ZPLD1: variants seen among roughly 807,000 people sequenced by gnomAD.
ZPLD1 encodes zona pellucida-like domain-containing protein 1.
A neutral mutation model predicts 47.2 loss-of-function variants in ZPLD1; 34 were observed. The observed-to-expected ratio is 0.72, with a 90% CI of 0.55 to 0.96. ZPLD1 has a LOEUF of 0.96. Among genes scored for constraint, ZPLD1 ranks in the 40% least tolerant of loss-of-function variants. The probability of loss-of-function intolerance (pLI) is 0.00; values close to 1 mark genes in which losing one functional copy is unlikely to be tolerated. For missense variants in ZPLD1, 512 were observed against 505.8 expected (o/e 1.01, Z -0.12); for synonymous variants, 176 against 186.2 (o/e 0.95, Z 0.45).
upstream of ZPLD1, among the ~76,000 whole-genome samples, chr3:102,432,798 GA>G (rs139992909): frequency 0.14 from 21,712 of 150,630 alleles, 2,039 homozygotes; most frequent in Middle Eastern, 0.24. Context: ...TAAATGGCAA[GA>G]AAAAAAAAGC....
intron 10 of ZPLD1, among the ~76,000 whole-genome samples, chr3:102,474,593 A>AGT (rs1559763311): frequency 2.6e-5 from 4 of 152,120 alleles, no homozygotes; most frequent in Admixed American, 1.3e-4. Flanking sequence ...AGGTTATTAA[A>AGT]GTTTTTTAAA....
upstream of ZPLD1, among the ~76,000 whole-genome samples, chr3:102,434,507 C>T (rs1707057099): frequency 6.6e-6 from 1 of 152,040 alleles, no homozygotes; most frequent in Non-Finnish European, 1.5e-5. Context: ...ACAGATGTCT[C>T]TTTTTTTACA....
At chr3:102,411,101 G>A (rs1488617030) in intron 7 of ZPLD1, among the ~76,000 whole-genome samples, 1 of 151,696 alleles carries the variant, frequency 6.6e-6, no homozygotes, top group African/African-American at 2.4e-5. Context: ...TGTTCATTGT[G>A]GGGAAGAAAT....
At chr3:102,443,066 C>CCTT (rs1707205744) in intron 3 of ZPLD1, among the ~76,000 whole-genome samples, 1 of 152,154 alleles carries the variant, frequency 6.6e-6, no homozygotes, top group South Asian at 2.1e-4. Context: ...AGCCAGGCCC[C>CCTT]CTTCTTTGGA....
intron 10 of ZPLD1, among the ~76,000 whole-genome samples, chr3:102,473,882 C>T (rs1401231362): frequency 2.6e-5 from 4 of 152,196 alleles, no homozygotes; most frequent in Admixed American, 6.5e-5. Context: ...CTCTTCAGGT[C>T]CTGTGGCCAA....
At chr3:102,426,952 C>A (rs1180568299) in intron 8 of ZPLD1, among the ~76,000 whole-genome samples, 1 of 152,130 alleles carries the variant, frequency 6.6e-6, no homozygotes, top group Non-Finnish European at 1.5e-5. Context: ...AAACACTCAG[C>A]CACTTGACAT....
At chr3:102,450,635 T>C (rs1201268740) in intron 3 of ZPLD1, among the ~76,000 whole-genome samples, 1 of 152,030 alleles carries the variant, frequency 6.6e-6, no homozygotes, top group Non-Finnish European at 1.5e-5. Context: ...AATCTGAGCA[T>C]GAGGATGACA....
At chr3:102,476,233 CAAACACAAATATTA>C (rs574296499) in intron 10 of ZPLD1, among the ~76,000 whole-genome samples, 145 of 152,162 alleles carry the variant, frequency 9.5e-4, no homozygotes, top group African/African-American at 3.2e-3. Context: ...GTTCAAATAA[CAAACACAAATATTA>C]AAACACAAAT....
At chr3:102,403,066 T>A (rs144781545) in intron 7 of ZPLD1, among the ~76,000 whole-genome samples, 101 of 152,072 alleles carry the variant, frequency 6.6e-4, no homozygotes, top group African/African-American at 2.4e-3. Context: ...TTATTATTAT[T>A]TACAGTTCTA....
intron 8 of ZPLD1, among the ~76,000 whole-genome samples, chr3:102,466,539 A>C (rs1300878509): frequency 6.6e-6 from 1 of 152,232 alleles, no homozygotes; most frequent in Admixed American, 6.5e-5. Flanking sequence ...AGCAAAAAGC[A>C]TCATGGTTAT....
chr3:102,430,712 A>G (rs1707006279), upstream of ZPLD1, among the ~76,000 whole-genome samples: 1 of 152,172 alleles, frequency 6.6e-6, no homozygotes, highest in East Asian at 1.9e-4. Flanking sequence ...GTGGGTTTAT[A>G]TTCAGCCAAA....
At chr3:102,459,315 G>T (rs1458240708) in intron 6 of ZPLD1, among the ~76,000 whole-genome samples, 5 of 151,940 alleles carry the variant, frequency 3.3e-5, no homozygotes, top group Non-Finnish European at 7.4e-5. Context: ...AATATTATTT[G>T]TTCTAATTGA....
intron 7 of ZPLD1, among the ~76,000 whole-genome samples, chr3:102,411,194 A>T (rs1326072930): frequency 1.3e-5 from 2 of 151,828 alleles, no homozygotes; most frequent in Non-Finnish European, 2.9e-5. Flanking sequence ...AAAAAAGATG[A>T]GAGCTGGAGG....
intron 6 of ZPLD1, among the ~76,000 whole-genome samples, chr3:102,386,589 A>G (rs1559736673): frequency 6.6e-6 from 1 of 152,136 alleles, no homozygotes; most frequent in African/African-American, 2.4e-5. Context: ...CTTCCCAGAT[A>G]TTTTGAAAAT....
chr3:102,407,360 A>T (rs1218551184), intron 7 of ZPLD1, among the ~76,000 whole-genome samples: 3 of 116,884 alleles, frequency 2.6e-5, no homozygotes, highest in Non-Finnish European at 3.5e-5. Flanking sequence ...TAAAATTTTT[A>T]TTTCAGGTAT....
At chr3:102,464,935 C>T (rs1408998942) in intron 8 of ZPLD1, among the ~76,000 whole-genome samples, 1 of 152,154 alleles carries the variant, frequency 6.6e-6, no homozygotes, top group African/African-American at 2.4e-5. Context: ...TTGCAATTGG[C>T]TCAGCTCACT....
intron 4 of ZPLD1, among the ~76,000 whole-genome samples, chr3:102,454,824 C>T (rs1707387753): frequency 1.3e-5 from 2 of 152,204 alleles, no homozygotes; most frequent in South Asian, 4.1e-4. Context: ...CAACTGTACT[C>T]CAGCCTGGGT....
chr3:102,398,878 G>GCACACACA (rs10564376), intron 7 of ZPLD1, among the ~76,000 whole-genome samples: 17 of 149,234 alleles, frequency 1.1e-4, no homozygotes, highest in African/African-American at 3.9e-4. Flanking sequence ...GCGTGCGCAC[G>GCACACACA]CACACACACA....
intron 8 of ZPLD1, among the ~76,000 whole-genome samples, chr3:102,467,487 A>T (rs1707613684): frequency 6.6e-6 from 1 of 152,162 alleles, no homozygotes; most frequent in Non-Finnish European, 1.5e-5. Context: ...ACACATAGAC[A>T]AAAGTCACAG....
Sources: gnomAD v4.1 joint callset for allele counts (sites outside exome capture counted in the v4.1 genomes callset) on GRCh38, gnomAD v4.1.1 for gene constraint, MANE v1.5 for transcripts, NCBI Gene and HGNC (gene_info 2026-07-23, HGNC 2026-07-21) for gene names.